ABHD3: variants seen among roughly 807,000 people sequenced by gnomAD.
The protein encoded by ABHD3 is abhydrolase domain containing 3, phospholipase.
ABHD3 carries 46 observed loss-of-function variants against 48.8 expected under a neutral mutation model. The observed-to-expected ratio is 0.94, with a 90% CI of 0.74 to 1.20. The LOEUF (loss-of-function observed/expected upper bound fraction) is 1.20. ABHD3 is among the 50% of genes most tolerant of loss of function. The pLI is 0.00. For synonymous variants in ABHD3, 192 were observed against 183.7 expected (o/e 1.04, Z -0.36); for missense variants, 490 against 497.8 (o/e 0.98, Z 0.15).
At chr18:21,697,473 G>A (rs1437963759) in intron 3 of ABHD3, among the ~76,000 whole-genome samples, 3 of 152,114 alleles carry the variant, frequency 2.0e-5, no homozygotes, top group South Asian at 2.1e-4. Flanking sequence ...TCCACCTCCC[G>A]AGTTCAAGCG....
At chr18:21,682,941 A>C (rs1017910319) in intron 4 of ABHD3, 1 of 152,292 alleles carries the variant, frequency 6.6e-6, no homozygotes, top group African/African-American at 2.4e-5. Context: ...GAGTAAGACC[A>C]TAACACTCTG....
intron 3 of ABHD3, among the ~76,000 whole-genome samples, chr18:21,691,259 G>C (rs2040246210): frequency 6.6e-6 from 1 of 152,132 alleles, no homozygotes. Context: ...GTGTCTAACA[G>C]AGCTTCCGTA....
chr18:21,676,072 C>T (rs1169652447), intron 4 of ABHD3, among the ~76,000 whole-genome samples: 2 of 152,150 alleles, frequency 1.3e-5, no homozygotes, highest in African/African-American at 2.4e-5. Context: ...CTCGCCTAAG[C>T]CTAACTACCT....
In ABHD3 at chr18:21,703,733, C is replaced by G. The variant is rs759700913; in HGVS notation, c.177G>C (p.Val59=). The part of the protein sequence containing the change: ...LSSIAKKPQL[V]TGGESFSRFL... ...AGCGGCTGAAACTCTCACCCCCGGT[C>G]ACTAACTGGGGTTTCTGAAGGGAAA... Residue 59 remains valine, a synonymous_variant, in exon 2 of 9, where the codon GTG becomes GTC. Transcript: ENST00000289119. The G allele has an allele frequency of 6.8e-6, 11 of 1,613,720 alleles. No individual in the cohort carries two copies. In the South Asian group the frequency reaches 1.2e-4, roughly 18 times the overall value.
In ABHD3 at chr18:21,703,621, G is replaced by A. The variant is rs137936391; in HGVS notation, c.289C>T (p.Pro97Ser). 14 of 1,614,086 alleles carry A rather than the reference G, an allele frequency of 8.7e-6. No individual in the cohort carries two copies. Among genetic ancestry groups the A allele is most frequent in the Non-Finnish European group, 1.2e-5 (14 of 1,179,984 alleles). The change falls in exon 2 of 9, where the codon CCT (proline) becomes TCT (serine). Residue 97 changes from proline (P) to serine (S), a missense_variant. By Grantham distance (74) the Pro-to-Ser change is moderately conservative. Coordinates refer to ENST00000289119, the MANE Select transcript of ABHD3 (RefSeq NM_138340.5). ...WEGRGQTLLRPFITSKPPVQY... is the reference protein window; with the variant it reads ...WEGRGQTLLRSFITSKPPVQY... ...ACCGGGGGCTTCGAAGTGATGAAAG[G>A]TCTAAGCAGGGTCTGTCCTCGACCC...
At chr18:21,670,585 C>T (rs2039735228) in intron 4 of ABHD3, among the ~76,000 whole-genome samples, 1 of 152,176 alleles carries the variant, frequency 6.6e-6, no homozygotes, top group Non-Finnish European at 1.5e-5. Flanking sequence ...ATTATTTCTC[C>T]AAATGTACAG....
intron 4 of ABHD3, 149 bp downstream of exon 4, chr18:21,683,771 C>T (rs1233415991): frequency 1.5e-6 from 1 of 680,762 alleles, no homozygotes; most frequent in Non-Finnish European, 2.2e-6. Context: ...TTGTAAATTT[C>T]CTTTTTTTCC....
intron 6 of ABHD3, among the ~76,000 whole-genome samples, chr18:21,657,851 C>T (rs1400069302): frequency 6.6e-6 from 1 of 152,030 alleles, no homozygotes; most frequent in African/African-American, 2.4e-5. Flanking sequence ...TATACACCTA[C>T]TATGTACCCA....
intron 5 of ABHD3, among the ~76,000 whole-genome samples, chr18:21,660,251 TGA>T (rs886427426): frequency 6.6e-6 from 1 of 150,856 alleles, no homozygotes; most frequent in Non-Finnish European, 1.5e-5. Flanking sequence ...GGTCTTACCC[TGA>T]GAGATTGTGA....
intron 5 of ABHD3, chr18:21,662,058 T>A (rs2039513424): frequency 6.6e-6 from 1 of 152,310 alleles, no homozygotes; most frequent in African/African-American, 2.4e-5. Context: ...AACCTCCACC[T>A]TCTGGGTTCA....
intron 8 of ABHD3, 44 bp downstream of exon 8, chr18:21,656,817 A>G: frequency 1.3e-6 from 2 of 1,481,968 alleles, no homozygotes; most frequent in Non-Finnish European, 1.8e-6. Context: ...CAATATATTA[A>G]AAGTTGATTC....
At chr18:21,668,271 TC>T (rs1455832907) in intron 4 of ABHD3, among the ~76,000 whole-genome samples, 1 of 151,460 alleles carries the variant, frequency 6.6e-6, no homozygotes, top group Non-Finnish European at 1.5e-5. Flanking sequence ...CATAGTGACT[TC>T]AGAATTTGTC....
intron 4 of ABHD3, among the ~76,000 whole-genome samples, chr18:21,674,317 C>T (rs1386858703): frequency 2.6e-5 from 4 of 151,536 alleles, no homozygotes; most frequent in African/African-American, 9.7e-5. Context: ...TCATGGCTCG[C>T]TGCAGCCTCA....
intron 2 of ABHD3, 28 bp from the exon 3 acceptor site, chr18:21,702,526 C>G: frequency 6.7e-7 from 1 of 1,503,294 alleles, no homozygotes. Flanking sequence ...GAAGACATTA[C>G]TATTTACATG....
At chr18:21,653,206 A>C (rs2039268272) in intron 8 of ABHD3, among the ~76,000 whole-genome samples, 1 of 149,424 alleles carries the variant, frequency 6.7e-6, no homozygotes, top group Non-Finnish European at 1.5e-5. Flanking sequence ...TACTAAAAAT[A>C]CAAAAAATAG....
In ABHD3 at chr18:21,703,643, AC is replaced by A. The variant is rs1456909694; in HGVS notation, c.266del (p.Gly89ValfsTer72). 1 of 1,613,842 alleles carries A rather than the reference AC, an allele frequency of 6.2e-7. No individual in the cohort carries two copies. Among genetic ancestry groups the A allele is most frequent in the Non-Finnish European group, 8.5e-7 (1 of 1,179,994 alleles). ...TYYPTVWCWE[G>X]RGQTLLRPFI... ...AAGGTCTAAGCAGGGTCTGTCCTCG[AC>A]CCTCCCAGCACCAGACCGTCGGGTA... On this transcript the variant is annotated frameshift_variant, in exon 2 of 9. Coordinates refer to ENST00000289119, the MANE Select transcript of ABHD3 (RefSeq NM_138340.5). LOFTEE classifies it high-confidence loss of function.
At chr18:21,655,284 GT>G (rs1296017863) in intron 8 of ABHD3, among the ~76,000 whole-genome samples, 10,784 of 127,698 alleles carry the variant, frequency 0.084, 1,291 homozygotes, top group African/African-American at 0.3. Context: ...GAGAGAAAAA[GT>G]TTTTTTTTTT....
chr18:21,696,153 T>C (rs1317494844), intron 3 of ABHD3, among the ~76,000 whole-genome samples: 1 of 149,818 alleles, frequency 6.7e-6, no homozygotes, highest in East Asian at 1.9e-4. Flanking sequence ...CTTGTTTTTT[T>C]TTTTTTTTGA....
rs2039209747 is a variant in ABHD3, at chr18:21,650,984, T to C, written c.*607A>G. The C allele has an allele frequency of 6.6e-6, 1 of 152,142 alleles. No homozygotes were observed. Among genetic ancestry groups the C allele is most frequent in the Non-Finnish European group, 1.5e-5 (1 of 68,018 alleles). 9.4% of individuals were successfully genotyped at this position (152,142 alleles called of 1,614,324 possible). ...TTAAAAATAAGCATGTAAATTATAA[T>C]CATTATAAAACATAAGTTAGTCCTA... On this transcript the variant is annotated 3_prime_UTR_variant, in exon 9 of 9. Transcript: ENST00000289119.
Sources: gnomAD v4.1 joint callset for allele counts (sites outside exome capture counted in the v4.1 genomes callset) on GRCh38, gnomAD v4.1.1 for gene constraint, MANE v1.5 for transcripts, NCBI Gene and HGNC (gene_info 2026-07-23, HGNC 2026-07-21) for gene names.